Variants in SDK1 observed in about 807,000 individuals in gnomAD.
The protein encoded by SDK1 is sidekick cell adhesion molecule 1, also known as protein sidekick-1.
Under a neutral mutation model 245.5 loss-of-function variants are expected in SDK1, and 157 were observed. That is an observed-to-expected ratio of 0.64 (90% CI 0.56 to 0.73). The LOEUF (loss-of-function observed/expected upper bound fraction) is 0.73, where lower values mean the gene tolerates loss of function less well. Ranked by LOEUF, SDK1 falls within the 30% of genes least tolerant of loss-of-function variation. The probability of loss-of-function intolerance (pLI) is 0.00; values close to 1 mark genes in which losing one functional copy is unlikely to be tolerated. For synonymous variants in SDK1, 1,647 were observed against 1,278.5 expected (o/e 1.29, Z -6.15); for missense variants, 3,583 against 3,002.3 (o/e 1.19, Z -4.52).
chr7:3,339,400 C>G (rs1044087803), intron 1 of SDK1, among the ~76,000 whole-genome samples: 3 of 152,016 alleles, frequency 2.0e-5, no homozygotes, highest in Non-Finnish European at 4.4e-5. Context: ...AACTATACAC[C>G]AAATCAGCAA....
intron 1 of SDK1, among the ~76,000 whole-genome samples, chr7:3,571,240 C>A (rs899799312): frequency 6.6e-6 from 1 of 151,908 alleles, no homozygotes; most frequent in South Asian, 2.1e-4. Flanking sequence ...TCTATAAAAT[C>A]TTGATTTTGA....
At chr7:3,582,655 C>T (rs1331451054) in intron 1 of SDK1, among the ~76,000 whole-genome samples, 5 of 126,174 alleles carry the variant, frequency 4.0e-5, no homozygotes, top group South Asian at 2.6e-4. Flanking sequence ...AACAAACCTG[C>T]ACATGTAGCC....
intron 5 of SDK1, among the ~76,000 whole-genome samples, chr7:3,945,502 CAAG>C (rs1272977044): frequency 6.6e-6 from 1 of 151,962 alleles, no homozygotes; most frequent in African/African-American, 2.4e-5. Context: ...ACCCATGAAA[CAAG>C]AACAGGATGC....
At chr7:3,448,723 T>C (rs1467338033) in intron 1 of SDK1, among the ~76,000 whole-genome samples, 1 of 152,214 alleles carries the variant, frequency 6.6e-6, no homozygotes, top group East Asian at 1.9e-4. Context: ...CCACCCTTTC[T>C]TTCTGAATTT....
At chr7:3,351,127 A>C (rs1583724776) in intron 1 of SDK1, among the ~76,000 whole-genome samples, 1 of 152,196 alleles carries the variant, frequency 6.6e-6, no homozygotes, top group South Asian at 2.1e-4. Context: ...CTGAGAGCCT[A>C]CTGTTGTCAT....
intron 32 of SDK1, among the ~76,000 whole-genome samples, chr7:4,162,225 G>T (rs186079137): frequency 9.2e-5 from 14 of 152,134 alleles, no homozygotes; most frequent in African/African-American, 3.4e-4. Context: ...ATTGGTTATC[G>T]CCCTACAAGG....
chr7:3,414,880 G>A (rs1194276109), intron 1 of SDK1, among the ~76,000 whole-genome samples: 3 of 152,094 alleles, frequency 2.0e-5, no homozygotes, highest in Non-Finnish European at 4.4e-5. Context: ...TTTTAAAGAT[G>A]CATCCATGTT....
chr7:3,492,077 G>A (rs1421388738), intron 1 of SDK1, among the ~76,000 whole-genome samples: 1 of 152,152 alleles, frequency 6.6e-6, no homozygotes, highest in Admixed American at 6.6e-5. Flanking sequence ...TTCAAAGCCA[G>A]ATGTTATTTG....
chr7:3,803,080 C>G (rs79853911), intron 4 of SDK1, among the ~76,000 whole-genome samples: 5,070 of 152,242 alleles, frequency 0.033, 120 homozygotes, highest in South Asian at 0.05. Context: ...ATTTTTCATT[C>G]TCTCAGCAAC....
chr7:3,320,722 G>A (rs535569200), intron 1 of SDK1, among the ~76,000 whole-genome samples: 1 of 152,120 alleles, frequency 6.6e-6, no homozygotes, highest in Non-Finnish European at 1.5e-5. Context: ...TGTTCAACTA[G>A]TTATCTTTGT....
rs116080087 is a variant in SDK1, at chr7:4,095,462, T to C, written c.3325-15201T>C. Among the ~76,000 whole-genome samples the C allele has an allele frequency of 5.1e-3, 782 of 152,374 alleles. 3 individuals are homozygous for C. The highest frequency in any genetic ancestry group is 0.017 in the African/African-American group (725 of 41,598). The stretch of plus-strand genomic sequence containing the variant: ...TGGTAAGATGTCACTTTAGTTTCTA[T>C]TGGGAACCAAGCATCTCCTGACTCT... On this transcript the variant is annotated intron_variant, in intron 22 of 44. Transcript: ENST00000404826.
At chr7:3,909,576 C>G (rs965734821) in intron 5 of SDK1, among the ~76,000 whole-genome samples, 1 of 152,226 alleles carries the variant, frequency 6.6e-6, no homozygotes, top group Non-Finnish European at 1.5e-5. Context: ...GTTAGTGACC[C>G]CACCACACCC....
intron 5 of SDK1, among the ~76,000 whole-genome samples, chr7:3,862,409 T>G (rs980903709): frequency 9.2e-5 from 14 of 152,192 alleles, no homozygotes; most frequent in African/African-American, 3.4e-4. Flanking sequence ...GAGCAAATCT[T>G]GTGGGAATAG....
At chr7:3,658,924 C>T (rs928057899) in intron 4 of SDK1, among the ~76,000 whole-genome samples, 1 of 152,084 alleles carries the variant, frequency 6.6e-6, no homozygotes, top group Non-Finnish European at 1.5e-5. Flanking sequence ...GGCCCATCAC[C>T]ACTATCTAAC....
At chr7:3,393,753 G>A (rs1781821601) in intron 1 of SDK1, among the ~76,000 whole-genome samples, 1 of 152,010 alleles carries the variant, frequency 6.6e-6, no homozygotes, top group African/African-American at 2.4e-5. Context: ...TTTTTTCTCT[G>A]TGTTTTCTTG....
chr7:3,562,536 C>T (rs1438492503), intron 1 of SDK1, among the ~76,000 whole-genome samples: 1 of 152,180 alleles, frequency 6.6e-6, no homozygotes, highest in African/African-American at 2.4e-5. Context: ...TGGGCTTTAG[C>T]TTCTGTATAG....
intron 1 of SDK1, among the ~76,000 whole-genome samples, chr7:3,571,060 ATCT>A (rs1780099109): frequency 2.0e-5 from 3 of 152,038 alleles, no homozygotes; most frequent in African/African-American, 7.2e-5. Flanking sequence ...TGAAATTCGG[ATCT>A]TCATGTTGAG....
chr7:3,356,702 A>G (rs576410970), intron 1 of SDK1, among the ~76,000 whole-genome samples: 5 of 152,236 alleles, frequency 3.3e-5, no homozygotes, highest in Admixed American at 1.3e-4. Context: ...TTATTCTGCT[A>G]TTGTTTCCTG....
chr7:3,848,538 A>G (rs1356530664), intron 5 of SDK1, among the ~76,000 whole-genome samples: 2 of 152,180 alleles, frequency 1.3e-5, no homozygotes, highest in Non-Finnish European at 2.9e-5. Flanking sequence ...GTGGATATCT[A>G]CTAATAGAAG....
Sources: allele counts gnomAD v4.1 joint callset (sites outside exome capture counted in the v4.1 genomes callset), GRCh38; gene constraint gnomAD v4.1.1; transcripts MANE v1.5; gene names NCBI Gene and HGNC (gene_info 2026-07-23, HGNC 2026-07-21).